Variants in TGFBR2 observed in about 807,000 individuals in gnomAD.
TGFBR2 encodes TGF-beta receptor type-2.
Under a neutral mutation model 49.0 loss-of-function variants are expected in TGFBR2, and 18 were observed. That is an observed-to-expected ratio of 0.37 (90% CI 0.25 to 0.54). The LOEUF is 0.54. TGFBR2 is among the 20% of genes least tolerant of loss of function. The pLI is 0.85. For missense variants in TGFBR2, 525 were observed against 722.6 expected (o/e 0.73, Z 3.13); for synonymous variants, 282 against 275.9 (o/e 1.02, Z -0.22).
At chr3:30,618,625 C>T (rs985066647) in intron 1 of TGFBR2, among the ~76,000 whole-genome samples, 1 of 152,144 alleles carries the variant, frequency 6.6e-6, no homozygotes, top group African/African-American at 2.4e-5. Context: ...CATATGTAGG[C>T]CCTAATTCAT....
chr3:30,657,902 T>C (rs1212870648), intron 3 of TGFBR2, among the ~76,000 whole-genome samples: 8 of 152,234 alleles, frequency 5.3e-5, no homozygotes, highest in Non-Finnish European at 7.3e-5. Context: ...AGGAGACATT[T>C]ATTTTGGCTC....
rs1699362755 is a variant in TGFBR2, at chr3:30,672,526, C to A, written c.1254+89C>A. 1.5e-6 allele frequency: 2 copies of A among 1,373,818 alleles called. No homozygotes were observed. The highest frequency in any genetic ancestry group is 1.4e-5 in the African/African-American group (1 of 70,330). 85.1% of individuals were successfully genotyped at this position (1,373,818 alleles called of 1,614,324 possible). A position where few individuals can be genotyped will look rare whatever the true frequency, so the allele number is the denominator to read the frequency against. On this transcript the variant is annotated intron_variant, in intron 4 of 6. Coordinates refer to ENST00000295754, the MANE Select transcript of TGFBR2 (RefSeq NM_003242.6). The surrounding 1 kb of genome is among the most constrained non-coding windows in gnomAD (Gnocchi z 4.5). ...CATATCTCCTGGCTCTTATCTCAAA[C>A]AGCCCTGTACTCTGGACACTGGTCT...
At chr3:30,688,780 A>G (rs1024574834) in intron 6 of TGFBR2, among the ~76,000 whole-genome samples, 5 of 152,238 alleles carry the variant, frequency 3.3e-5, no homozygotes, top group African/African-American at 1.2e-4. Context: ...TCCTGGGTTA[A>G]AACATTTTGT....
intron 1 of TGFBR2, among the ~76,000 whole-genome samples, chr3:30,638,897 G>C (rs768518029): frequency 2.0e-5 from 3 of 152,128 alleles, no homozygotes; most frequent in Non-Finnish European, 4.4e-5. Context: ...AGGCCACAGC[G>C]GCTTTCTGCC....
intron 3 of TGFBR2, among the ~76,000 whole-genome samples, chr3:30,655,936 T>C (rs1374614608): frequency 6.6e-6 from 1 of 152,172 alleles, no homozygotes; most frequent in Non-Finnish European, 1.5e-5. Context: ...ACCCGGGAGC[T>C]TATTAGAACT....
At chr3:30,615,768 C>T (rs1189219960) in intron 1 of TGFBR2, among the ~76,000 whole-genome samples, 2 of 151,664 alleles carry the variant, frequency 1.3e-5, no homozygotes, top group East Asian at 3.9e-4. Flanking sequence ...GAGATGAGAT[C>T]TCATTCTGTC....
intron 3 of TGFBR2, among the ~76,000 whole-genome samples, chr3:30,668,601 A>G (rs1699284440): frequency 2.0e-5 from 3 of 151,992 alleles, no homozygotes; most frequent in South Asian, 4.1e-4. Context: ...TTTTGCATTC[A>G]ATCATTCTGT....
chr3:30,610,695 A>G (rs1163732172), intron 1 of TGFBR2, among the ~76,000 whole-genome samples: 1 of 152,200 alleles, frequency 6.6e-6, no homozygotes, highest in Non-Finnish European at 1.5e-5. Flanking sequence ...AGTTATGGTG[A>G]GGATTAAATA....
At chr3:30,681,910 G>A (rs1699548782) in intron 5 of TGFBR2, among the ~76,000 whole-genome samples, 1 of 152,204 alleles carries the variant, frequency 6.6e-6, no homozygotes, top group Non-Finnish European at 1.5e-5. Flanking sequence ...GTCAGGAAAG[G>A]GAAGGAAACC....
intron 1 of TGFBR2, among the ~76,000 whole-genome samples, chr3:30,621,596 T>G (rs1698233289): frequency 6.6e-6 from 1 of 152,176 alleles, no homozygotes; most frequent in African/African-American, 2.4e-5. Context: ...TTTAATATTC[T>G]TAAGTCTTAA....
intron 1 of TGFBR2, among the ~76,000 whole-genome samples, chr3:30,640,546 C>A (rs1467205950): frequency 6.6e-6 from 1 of 152,176 alleles, no homozygotes; most frequent in Non-Finnish European, 1.5e-5. Flanking sequence ...ATTACTTATA[C>A]ATAATACAAT....
At chr3:30,611,365 A>C (rs1394686667) in intron 1 of TGFBR2, among the ~76,000 whole-genome samples, 1 of 152,214 alleles carries the variant, frequency 6.6e-6, no homozygotes, top group East Asian at 1.9e-4. Flanking sequence ...GATCACAATA[A>C]GTAATTTGAC....
At chr3:30,659,134 C>G (rs1318307150) in intron 3 of TGFBR2, among the ~76,000 whole-genome samples, 1 of 152,196 alleles carries the variant, frequency 6.6e-6, no homozygotes, top group East Asian at 1.9e-4. Context: ...TGCCTTGGAA[C>G]TGTGCACTCA....
At chr3:30,659,262 G>A (rs1699068267) in intron 3 of TGFBR2, among the ~76,000 whole-genome samples, 1 of 152,202 alleles carries the variant, frequency 6.6e-6, no homozygotes, top group Non-Finnish European at 1.5e-5. Context: ...GTTGAGAAAA[G>A]TTGTTAGAAG....
chr3:30,649,616 T>C (rs1183065798), intron 2 of TGFBR2, among the ~76,000 whole-genome samples: 2 of 152,228 alleles, frequency 1.3e-5, no homozygotes, highest in African/African-American at 2.4e-5. Context: ...TTTGTTTTTT[T>C]TGTTTGTTTG....
intron 3 of TGFBR2, among the ~76,000 whole-genome samples, chr3:30,651,799 C>A (rs1355811806): frequency 6.6e-6 from 1 of 152,206 alleles, no homozygotes; most frequent in Non-Finnish European, 1.5e-5. Context: ...AGGATGTAAG[C>A]ATATGGATTT....
chr3:30,613,093 G>A (rs1698059168), intron 1 of TGFBR2, among the ~76,000 whole-genome samples: 1 of 150,866 alleles, frequency 6.6e-6, no homozygotes, highest in Non-Finnish European at 1.5e-5. Flanking sequence ...ACCTATGACT[G>A]GGGAGATTCT....
At chr3:30,684,902 G>A (rs1699597288) in intron 5 of TGFBR2, among the ~76,000 whole-genome samples, 1 of 152,116 alleles carries the variant, frequency 6.6e-6, no homozygotes, top group Admixed American at 6.5e-5. Context: ...AACTTGCTTT[G>A]ATCCACAGAG....
At chr3:30,667,621 A>G (rs1699267399) in intron 3 of TGFBR2, among the ~76,000 whole-genome samples, 1 of 152,160 alleles carries the variant, frequency 6.6e-6, no homozygotes, top group Admixed American at 6.5e-5. Flanking sequence ...TCAGTGCCAC[A>G]CATAAACTTA....
Sources: gnomAD v4.1 joint callset for allele counts (sites outside exome capture counted in the v4.1 genomes callset) on GRCh38, gnomAD v4.1.1 for gene constraint, Gnocchi (gnomAD v3.1) non-coding constraint, MANE v1.5 for transcripts, NCBI Gene and HGNC (gene_info 2026-07-23, HGNC 2026-07-21) for gene names.